The following PDS5A variants were observed in gnomAD, a reference collection of about 807,000 sequenced individuals.
PDS5A encodes sister chromatid cohesion protein PDS5 homolog A.
A neutral mutation model predicts 167.1 loss-of-function variants in PDS5A; 42 were observed. The ratio of observed to expected loss-of-function variants is 0.25; its 90% CI spans 0.20 to 0.33. The LOEUF is 0.33. Among genes scored for constraint, PDS5A ranks in the 10% least tolerant of loss-of-function variants. The pLI, the probability that PDS5A is intolerant of heterozygous loss-of-function variation, is 1.00. For synonymous variants in PDS5A, 553 were observed against 554.6 expected (o/e 1.00, Z 0.04); for missense variants, 1,033 against 1,605.9 (o/e 0.64, Z 6.10).
intron 32 of PDS5A, among the ~76,000 whole-genome samples, chr4:39,826,633 G>T (rs897820957): frequency 6.6e-6 from 1 of 151,510 alleles, no homozygotes; most frequent in Non-Finnish European, 1.5e-5. Flanking sequence ...CTACAGGTGC[G>T]TGCCACCATG....
intron 2 of PDS5A, among the ~76,000 whole-genome samples, chr4:39,975,646 T>C (rs1199203430): frequency 6.6e-6 from 1 of 152,206 alleles, no homozygotes; most frequent in African/African-American, 2.4e-5. Context: ...CTTCCCCTAC[T>C]CCAATCTAGC....
intron 29 of PDS5A, among the ~76,000 whole-genome samples, chr4:39,845,571 C>A (rs993767297): frequency 6.6e-6 from 1 of 152,040 alleles, no homozygotes; most frequent in African/African-American, 2.4e-5. Context: ...CCAGGAAAGT[C>A]TTCTTTGTGA....
intron 8 of PDS5A, 134 bp from the exon 9 acceptor site, chr4:39,913,860 C>G: frequency 1.6e-6 from 1 of 621,224 alleles, no homozygotes; most frequent in Non-Finnish European, 2.9e-6. Context: ...ATCATATGTC[C>G]TCACTTACTA....
chr4:39,893,149 C>A lies in PDS5A; in HGVS notation c.1771-2785G>T, dbSNP rs115510650. On this transcript the variant is annotated intron_variant, in intron 16 of 32. Coordinates refer to ENST00000303538, the MANE Select transcript of PDS5A (RefSeq NM_001100399.2). ...GGAAAATATTAAAATTTGGGGACCA[C>A]TCTCATGGGGAGGGGGGCAATGGAG... 5.1e-4 allele frequency among the ~76,000 whole-genome samples: 78 copies of A among 152,312 alleles called. 1 individual carries two copies. In the East Asian group the frequency reaches 0.011, roughly 21 times the overall value.
intron 17 of PDS5A, among the ~76,000 whole-genome samples, chr4:39,884,047 G>T (rs1409522687): frequency 1.3e-5 from 2 of 151,920 alleles, no homozygotes; most frequent in African/African-American, 4.8e-5. Flanking sequence ...TCCAGCCTCA[G>T]CCTCCTGAGT....
chr4:39,965,066 AG>A (rs1729852553), intron 2 of PDS5A, among the ~76,000 whole-genome samples: 1 of 152,200 alleles, frequency 6.6e-6, no homozygotes, highest in Admixed American at 6.5e-5. Context: ...GCTTCTATTG[AG>A]AGGTAAGGCT....
chr4:39,908,571 A>C, intron 10 of PDS5A, 31 bp from the exon 11 acceptor site: 1 of 1,328,604 alleles, frequency 7.5e-7, no homozygotes, highest in Non-Finnish European at 1.1e-6. Flanking sequence ...CTTAGGCTAA[A>C]TGTTAGCTAT....
At chr4:39,876,487 A>G (rs990478199) in intron 19 of PDS5A, among the ~76,000 whole-genome samples, 6 of 152,196 alleles carry the variant, frequency 3.9e-5, no homozygotes, top group African/African-American at 1.4e-4. Context: ...TTCAACTGCC[A>G]TTTGCAATGT....
Position 39,844,828 on chromosome 4 carries a change from A to C in PDS5A, c.3403-27T>G, listed in dbSNP as rs202047198. 3,111 of 1,585,674 alleles carry C rather than the reference A, an allele frequency of 2.0e-3. 7 individuals carry two copies. Among genetic ancestry groups the C allele is most frequent in the Middle Eastern group, 5.9e-3 (35 of 5,886 alleles). On this transcript the variant is annotated intron_variant, in intron 29 of 32. Coordinates refer to ENST00000303538, the MANE Select transcript of PDS5A (RefSeq NM_001100399.2). ...TAAAAACAAAAACAAAAAACCCCCC[A>C]AAAACACACACGTTTATACCTTACC...
At chr4:39,911,239 TG>T (rs1462732525) in intron 9 of PDS5A, among the ~76,000 whole-genome samples, 1 of 151,892 alleles carries the variant, frequency 6.6e-6, no homozygotes, top group Non-Finnish European at 1.5e-5. Context: ...GTGCAGAAAA[TG>T]TGTTACTAGC....
chr4:39,962,608 A>G (rs1291145228), intron 2 of PDS5A, among the ~76,000 whole-genome samples: 2 of 151,562 alleles, frequency 1.3e-5, no homozygotes, highest in Non-Finnish European at 2.9e-5. Flanking sequence ...GGTTGAGACC[A>G]TCCTGGCCAA....
intron 28 of PDS5A, 53 bp downstream of exon 28, chr4:39,848,797 AT>A: frequency 6.9e-7 from 1 of 1,453,598 alleles, no homozygotes; most frequent in Non-Finnish European, 9.5e-7. Flanking sequence ...GTTGATGGTA[AT>A]TGACATTGAA....
intron 9 of PDS5A, among the ~76,000 whole-genome samples, chr4:39,912,508 G>C (rs1244946858): frequency 1.3e-5 from 2 of 152,178 alleles, no homozygotes; most frequent in African/African-American, 4.8e-5. Context: ...CCTTCAAAAT[G>C]GCGTGTTCTG....
At position 39,932,196 on chromosome 4, in the gene PDS5A, G is replaced by A. The variant is rs896195157; in HGVS notation, c.139-4032C>T. On this transcript the variant is annotated intron_variant, in intron 2 of 32. Coordinates refer to ENST00000303538, the MANE Select transcript of PDS5A (RefSeq NM_001100399.2). ...GCATGAGCCTCCATGCCCAGTCCAT[G>A]TGACTTATTTTGGCCAAACAGACAT... 9.2e-5 allele frequency among the ~76,000 whole-genome samples: 14 copies of A among 152,200 alleles called. No homozygotes were observed. In the East Asian group the frequency reaches 1.9e-3, roughly 21 times the overall value.
chr4:39,842,909 T>TTATTTA (rs1553888365), intron 30 of PDS5A, among the ~76,000 whole-genome samples: 8 of 92,302 alleles, frequency 8.7e-5, no homozygotes, highest in African/African-American at 4.4e-4. Context: ...TATCCTATTT[T>TTATTTA]TATATATATA....
chr4:39,974,382 T>G (rs1730870506), intron 2 of PDS5A: 1 of 399,208 alleles, frequency 2.5e-6, no homozygotes, highest in Non-Finnish European at 4.9e-6. Context: ...GAATTCAAGG[T>G]TTCAATATTC....
rs577170592 is a variant in PDS5A, at chr4:39,973,343, T to C, written c.138+3097A>G. On this transcript the variant is annotated intron_variant, in intron 2 of 32. Transcript: ENST00000303538. ...TGTACATGAACAGCAGGCTGTTGCA[T>C]TGTAACTTGTGGCTGTGCATTAAGA... The C allele has an allele frequency of 4.2e-5, 68 of 1,606,184 alleles. No individual in the cohort carries two copies. In the East Asian group the frequency reaches 8.5e-4, roughly 20 times the overall value.
At chr4:39,888,986 A>G (rs1721735185) in intron 17 of PDS5A, among the ~76,000 whole-genome samples, 1 of 152,220 alleles carries the variant, frequency 6.6e-6, no homozygotes, top group Admixed American at 6.6e-5. Flanking sequence ...GTATTAAATT[A>G]TCAGACATAG....
chr4:39,948,666 C>G (rs1194802649), intron 2 of PDS5A, among the ~76,000 whole-genome samples: 1 of 149,528 alleles, frequency 6.7e-6, no homozygotes, highest in Non-Finnish European at 1.5e-5. Context: ...ACTCTGCTGC[C>G]CAGGCTGGAG....
Sources: gnomAD v4.1 joint callset for allele counts (sites outside exome capture counted in the v4.1 genomes callset) on GRCh38, gnomAD v4.1.1 for gene constraint, MANE v1.5 for transcripts, NCBI Gene and HGNC (gene_info 2026-07-23, HGNC 2026-07-21) for gene names.